Variants in CNTN4 observed in about 807,000 individuals in gnomAD.
CNTN4 encodes the protein contactin-4.
A neutral mutation model predicts 122.5 loss-of-function variants in CNTN4; 77 were observed. That is an observed-to-expected ratio of 0.63 (90% confidence interval 0.52 to 0.76). The LOEUF (loss-of-function observed/expected upper bound fraction) is 0.76, where lower values mean the gene tolerates loss of function less well. Ranked by LOEUF, CNTN4 falls within the 30% of genes least tolerant of loss-of-function variation. The probability of loss-of-function intolerance (pLI) is 0.00; values close to 1 mark genes in which losing one functional copy is unlikely to be tolerated. For synonymous variants in CNTN4, 512 were observed against 447.0 expected (o/e 1.15, Z -1.83); for missense variants, 1,256 against 1,259.1 (o/e 1.00, Z 0.04).
chr3:2,136,164 C>T (rs1007251312), intron 2 of CNTN4, among the ~76,000 whole-genome samples: 10 of 152,254 alleles, frequency 6.6e-5, no homozygotes, highest in South Asian at 4.1e-4. Context: ...TGTAATCCCA[C>T]GTTCTTGGTC....
At chr3:2,650,317 A>T (rs1211544297) in intron 4 of CNTN4, among the ~76,000 whole-genome samples, 1 of 152,104 alleles carries the variant, frequency 6.6e-6, no homozygotes, top group African/African-American at 2.4e-5. Context: ...TGCCATCATG[A>T]TAAAACTTGA....
At chr3:2,151,009 A>G (rs2035471204) in intron 2 of CNTN4, among the ~76,000 whole-genome samples, 2 of 152,280 alleles carry the variant, frequency 1.3e-5, no homozygotes, top group Middle Eastern at 3.4e-3. Flanking sequence ...AGCAAAATGG[A>G]CAAATTCTTT....
chr3:2,962,017 G>A (rs2094865658), intron 13 of CNTN4, among the ~76,000 whole-genome samples: 1 of 152,122 alleles, frequency 6.6e-6, no homozygotes, highest in Non-Finnish European at 1.5e-5. Flanking sequence ...ACATGTCAAA[G>A]ACAATTACAT....
intron 3 of CNTN4, among the ~76,000 whole-genome samples, chr3:2,568,334 A>AC (rs1362062464): frequency 6.6e-6 from 1 of 151,118 alleles, no homozygotes; most frequent in Non-Finnish European, 1.5e-5. Context: ...AAAAAAAAAA[A>AC]AAAAAACCAC....
intron 13 of CNTN4, among the ~76,000 whole-genome samples, chr3:2,972,342 A>T (rs939369510): frequency 4.6e-5 from 7 of 152,118 alleles, no homozygotes; most frequent in Non-Finnish European, 1.0e-4. Context: ...ACACATACAC[A>T]TACAGACACA....
intron 6 of CNTN4, among the ~76,000 whole-genome samples, chr3:2,755,581 A>T (rs2149643879): frequency 6.6e-6 from 1 of 152,320 alleles, no homozygotes; most frequent in East Asian, 1.9e-4. Context: ...AAAATTTCAC[A>T]AGGTAAATCT....
At chr3:2,197,508 G>T (rs1053496374) in intron 2 of CNTN4, among the ~76,000 whole-genome samples, 1 of 152,154 alleles carries the variant, frequency 6.6e-6, no homozygotes, top group African/African-American at 2.4e-5. Context: ...ATCCTGTGGG[G>T]ATAGGAGTTG....
At chr3:2,964,454 T>A (rs1692097235) in intron 13 of CNTN4, among the ~76,000 whole-genome samples, 1 of 152,194 alleles carries the variant, frequency 6.6e-6, no homozygotes, top group Non-Finnish European at 1.5e-5. Context: ...ATTGGAAGAC[T>A]TGAGGTGAAA....
chr3:2,278,592 C>T (rs1300520896), intron 2 of CNTN4, among the ~76,000 whole-genome samples: 1 of 152,168 alleles, frequency 6.6e-6, no homozygotes, highest in East Asian at 1.9e-4. Flanking sequence ...CAAGTGTATA[C>T]TTTTGTAAGT....
At chr3:2,651,446 C>T (rs1424811388) in intron 4 of CNTN4, among the ~76,000 whole-genome samples, 1 of 152,152 alleles carries the variant, frequency 6.6e-6, no homozygotes, top group Non-Finnish European at 1.5e-5. Context: ...CTCATGGAAC[C>T]TACAAGACAA....
chr3:3,034,924 C>T (rs1450742183), intron 17 of CNTN4, 134 bp downstream of exon 17: 15 of 964,590 alleles, frequency 1.6e-5, no homozygotes, highest in South Asian at 7.9e-5. Flanking sequence ...TCCTAAACCT[C>T]GGCCAACTGT....
chr3:2,144,710 A>G lies in CNTN4; in HGVS notation c.-145+44071A>G, dbSNP rs144413360. Reference sequence around the variant, plus strand: ...CTTAAACCTGGAATTGAGAACTCAAATATAAACCAGTGCCCAGCACATAGC... The same window carrying G: ...CTTAAACCTGGAATTGAGAACTCAAGTATAAACCAGTGCCCAGCACATAGC... On this transcript the variant is annotated intron_variant, in intron 2 of 24. Coordinates refer to ENST00000418658, the MANE Select transcript of CNTN4 (RefSeq NM_175607.3). Among the ~76,000 whole-genome samples the G allele has an allele frequency of 2.3e-3, 355 of 152,348 alleles. 1 individual carries two copies. Among genetic ancestry groups the G allele is most frequent in the African/African-American group, 8.2e-3 (343 of 41,576 alleles).
chr3:2,380,057 C>CA (rs5846182), intron 3 of CNTN4, among the ~76,000 whole-genome samples: 42,660 of 119,630 alleles, frequency 0.36, 7,687 homozygotes, highest in African/African-American at 0.47. Flanking sequence ...AACTCCATCT[C>CA]AAAAAAAAAA....
chr3:2,403,823 A>G (rs1340492802), intron 3 of CNTN4, among the ~76,000 whole-genome samples: 1 of 152,194 alleles, frequency 6.6e-6, no homozygotes, highest in South Asian at 2.1e-4. Context: ...AGTAATTAAT[A>G]CAGCCTGAAT....
chr3:2,124,433 A>AACACACACAC (rs60760373), intron 2 of CNTN4, among the ~76,000 whole-genome samples: 2,278 of 123,852 alleles, frequency 0.018, 34 homozygotes, highest in Admixed American at 0.056. Context: ...ATTTATTTAA[A>AACACACACAC]ACACACACAC....
intron 3 of CNTN4, among the ~76,000 whole-genome samples, chr3:2,421,132 C>A (rs1393265685): frequency 1.3e-5 from 2 of 152,082 alleles, no homozygotes; most frequent in African/African-American, 4.8e-5. Context: ...CATTCCAGTC[C>A]CAGTTTAGCC....
rs193209462 is a variant in CNTN4, at chr3:2,563,103, A to G, written c.-88-8313A>G. Among the ~76,000 whole-genome samples, 18 of 152,036 alleles carry G rather than the reference A, an allele frequency of 1.2e-4. 1 individual carries two copies. The highest frequency in any genetic ancestry group is 6.8e-3 in the Middle Eastern group (2 of 294). ...ATGGTAGTTCTGTTTTAAATTCTTT[A>G]AGAAATCTCCAAACTGCTTTCCACA... is the stretch of plus-strand genomic sequence containing the variant. On this transcript the variant is annotated intron_variant, in intron 3 of 24. Transcript: ENST00000418658.
chr3:2,803,765 T>A (rs1158114171), intron 6 of CNTN4, among the ~76,000 whole-genome samples: 1 of 152,046 alleles, frequency 6.6e-6, no homozygotes, highest in Non-Finnish European at 1.5e-5. Context: ...TTCACCATGT[T>A]GGCCAGGTTG....
chr3:2,211,369 T>TCTAAA (rs1370452280), intron 2 of CNTN4, among the ~76,000 whole-genome samples: 1 of 152,080 alleles, frequency 6.6e-6, no homozygotes, highest in East Asian at 1.9e-4. Flanking sequence ...AGGACAGAAA[T>TCTAAA]CTAAACTATA....
Sources: gnomAD v4.1 joint callset for allele counts (sites outside exome capture counted in the v4.1 genomes callset) on GRCh38, gnomAD v4.1.1 for gene constraint, MANE v1.5 for transcripts, NCBI Gene and HGNC (gene_info 2026-07-23, HGNC 2026-07-21) for gene names.